AGBL1: variants seen among roughly 807,000 people sequenced by gnomAD.
AGBL1 encodes AGBL carboxypeptidase 1.
A neutral mutation model predicts 118.9 loss-of-function variants in AGBL1; 130 were observed. The observed-to-expected ratio is 1.09, with a 90% CI of 0.95 to 1.26. The LOEUF (loss-of-function observed/expected upper bound fraction) is 1.26. AGBL1 is among the 50% of genes most tolerant of loss of function. The pLI is 0.00. For synonymous variants in AGBL1, 555 were observed against 478.9 expected (o/e 1.16, Z -2.08); for missense variants, 1,584 against 1,298.1 (o/e 1.22, Z -3.38).
chr15:86,553,615 A>G (rs772878738), intron 20 of AGBL1, among the ~76,000 whole-genome samples: 6 of 152,198 alleles, frequency 3.9e-5, no homozygotes, highest in South Asian at 2.1e-4. Flanking sequence ...GCCTTGTGAA[A>G]TAAGTGAACA....
chr15:86,257,899 A>G, intron 8 of AGBL1, 65 bp from the exon 9 acceptor site: 1 of 1,532,356 alleles, frequency 6.5e-7, no homozygotes, highest in Non-Finnish European at 8.9e-7. Context: ...TATGGTGAAA[A>G]TCTAAATCCT....
At chr15:86,878,086 T>C (rs1447482351) in intron 22 of AGBL1, among the ~76,000 whole-genome samples, 1 of 152,166 alleles carries the variant, frequency 6.6e-6, no homozygotes, top group Non-Finnish European at 1.5e-5. Context: ...ACATGGAGTT[T>C]AGTAGCTCAG....
At chr15:86,944,888 G>T (rs182465766) in intron 23 of AGBL1, among the ~76,000 whole-genome samples, 103 of 152,144 alleles carry the variant, frequency 6.8e-4, no homozygotes, top group African/African-American at 2.0e-3. Flanking sequence ...CAGGGAAAAG[G>T]GTTTTCTCTA....
intron 18 of AGBL1, among the ~76,000 whole-genome samples, chr15:86,476,839 C>G (rs2082566119): frequency 6.6e-6 from 1 of 152,206 alleles, no homozygotes; most frequent in Admixed American, 6.5e-5. Flanking sequence ...AAGTAAAGCA[C>G]TCCTCAGCAA....
At chr15:86,822,557 G>A (rs1005688707) in intron 22 of AGBL1, among the ~76,000 whole-genome samples, 1 of 152,144 alleles carries the variant, frequency 6.6e-6, no homozygotes, top group African/African-American at 2.4e-5. Context: ...AAGAAAATGG[G>A]CACAATGACA....
intron 18 of AGBL1, among the ~76,000 whole-genome samples, chr15:86,475,001 G>T (rs905519860): frequency 7.2e-5 from 11 of 152,228 alleles, no homozygotes; most frequent in Non-Finnish European, 1.3e-4. Context: ...CAACAGACCT[G>T]CAGCTGAGGG....
intron 22 of AGBL1, among the ~76,000 whole-genome samples, chr15:86,844,532 T>A (rs1359739044): frequency 2.0e-5 from 3 of 152,174 alleles, no homozygotes; most frequent in African/African-American, 7.2e-5. Flanking sequence ...CCTCTCCGAA[T>A]ATTTGGCCCA....
intron 23 of AGBL1, among the ~76,000 whole-genome samples, chr15:86,967,581 G>A (rs899060698): frequency 9.2e-5 from 14 of 152,044 alleles, no homozygotes; most frequent in Admixed American, 6.6e-5. Context: ...ATTAAATAGG[G>A]AATCGTTTCC....
chr15:86,152,498 T>C (rs754647883), intron 3 of AGBL1, among the ~76,000 whole-genome samples: 7 of 152,188 alleles, frequency 4.6e-5, no homozygotes, highest in Admixed American at 3.3e-4. Context: ...TCCTTAAACC[T>C]TGTACAAAAA....
intron 22 of AGBL1, among the ~76,000 whole-genome samples, chr15:86,701,092 C>T (rs1039158001): frequency 6.6e-6 from 1 of 152,140 alleles, no homozygotes; most frequent in African/African-American, 2.4e-5. Context: ...AAGGTGTCAG[C>T]CTCGGATCAT....
intron 17 of AGBL1, among the ~76,000 whole-genome samples, chr15:86,345,396 G>A (rs1389015777): frequency 1.3e-5 from 2 of 152,142 alleles, no homozygotes; most frequent in Admixed American, 6.5e-5. Flanking sequence ...TATGTTCCAG[G>A]CACTGTGCTA....
At chr15:86,545,684 G>T (rs771037067) in intron 19 of AGBL1, among the ~76,000 whole-genome samples, 3 of 151,854 alleles carry the variant, frequency 2.0e-5, no homozygotes, top group Non-Finnish European at 4.4e-5. Context: ...TTCCAGCTTT[G>T]CCCATTCCTC....
chr15:86,670,502 G>C (rs2085722018), intron 21 of AGBL1, among the ~76,000 whole-genome samples: 1 of 151,470 alleles, frequency 6.6e-6, no homozygotes, highest in South Asian at 2.1e-4. Flanking sequence ...TACTCGGGAG[G>C]CTGAGGCAGG....
chr15:86,897,271 T>C (rs2080142335), intron 22 of AGBL1, among the ~76,000 whole-genome samples: 3 of 152,286 alleles, frequency 2.0e-5, no homozygotes, highest in Non-Finnish European at 2.9e-5. Context: ...AGAGACAGTA[T>C]TCAGTGTTGC....
At chr15:86,545,797 T>G (rs988977521) in intron 19 of AGBL1, among the ~76,000 whole-genome samples, 4 of 152,202 alleles carry the variant, frequency 2.6e-5, no homozygotes, top group Admixed American at 2.0e-4. Context: ...TCTCCTCTGA[T>G]AACTCCATCG....
intron 24 of AGBL1, chr15:87,028,746 A>G (rs965441117): frequency 6.4e-6 from 9 of 1,409,710 alleles, no homozygotes; most frequent in South Asian, 1.2e-5. Context: ...TAAAAGGTCA[A>G]TTTGCCAAAC....
intron 19 of AGBL1, among the ~76,000 whole-genome samples, chr15:86,534,763 T>G (rs1428508911): frequency 2.0e-5 from 3 of 152,210 alleles, no homozygotes; most frequent in South Asian, 4.1e-4. Flanking sequence ...AACATTATAT[T>G]GAGTGAAAGA....
In AGBL1 at chr15:86,256,970, C is replaced by T. The variant is rs760659339; in HGVS notation, c.853C>T (p.Pro285Ser). The stretch of plus-strand genomic sequence containing the variant: ...CACAGCCAGCAGTGCCTATGCCTTC[C>T]CGGTCCCCGGGTGCATCACCACTGA... ...LVTASSAYAFPVPGCITTEPP... is the reference protein window; with the variant it reads ...LVTASSAYAFSVPGCITTEPP... The change falls in exon 8 of 23, where the codon CCG (proline) becomes TCG (serine). Residue 285 changes from proline (P) to serine (S), a missense_variant. Physicochemically the swap from Pro to Ser is moderately conservative, Grantham distance 74. Coordinates refer to ENST00000614907, the MANE Select transcript of AGBL1 (RefSeq NM_001386094.1). 1.9e-6 allele frequency: 3 copies of T among 1,613,822 alleles called. No homozygotes were observed. Among genetic ancestry groups the T allele is most frequent in the Non-Finnish European group, 2.5e-6 (3 of 1,179,876 alleles).
intron 23 of AGBL1, among the ~76,000 whole-genome samples, chr15:86,956,263 T>TAGATA (rs2080930476): frequency 7.3e-6 from 1 of 137,142 alleles, no homozygotes; most frequent in African/African-American, 2.7e-5. Context: ...ATAGATAGAT[T>TAGATA]AGATAGATGA....
Sources: allele counts gnomAD v4.1 joint callset (sites outside exome capture counted in the v4.1 genomes callset), GRCh38; gene constraint gnomAD v4.1.1; transcripts MANE v1.5; gene names NCBI Gene and HGNC (gene_info 2026-07-23, HGNC 2026-07-21).